Variants in EYS observed in about 807,000 individuals in gnomAD.
The protein encoded by EYS is EGF-like photoreceptor maintenance factor.
A neutral mutation model predicts 282.1 loss-of-function variants in EYS; 250 were observed. That is an observed-to-expected ratio of 0.89 (90% CI 0.80 to 0.98). The LOEUF (loss-of-function observed/expected upper bound fraction) is 0.98, where lower values mean the gene tolerates loss of function less well. Among genes scored for constraint, EYS ranks in the 50% least tolerant of loss-of-function variants. EYS has a pLI of 0.00. For synonymous variants in EYS, 1,355 were observed against 1,282.9 expected (o/e 1.06, Z -1.20); for missense variants, 4,016 against 3,709.0 (o/e 1.08, Z -2.15).
At chr6:65,673,522 G>T (rs1582588306) in intron 1 of EYS, among the ~76,000 whole-genome samples, 1 of 152,086 alleles carries the variant, frequency 6.6e-6, no homozygotes, top group East Asian at 1.9e-4. Flanking sequence ...TTAGAGAGTG[G>T]CCAAGGGGGT....
At chr6:64,346,385 A>C (rs572179052) in intron 29 of EYS, among the ~76,000 whole-genome samples, 5 of 152,180 alleles carry the variant, frequency 3.3e-5, no homozygotes, top group African/African-American at 9.6e-5. Flanking sequence ...AAAAATGATG[A>C]GTTCATGTCC....
chr6:64,398,803 A>C (rs903472572), intron 28 of EYS, among the ~76,000 whole-genome samples: 20 of 151,894 alleles, frequency 1.3e-4, no homozygotes, highest in African/African-American at 4.3e-4. Context: ...AGCTTTGACA[A>C]TTTTTTGAAA....
rs77159255 is a variant in EYS at position 64,193,218 on chromosome 6, T to C, written c.6424+37374A>G. Among the ~76,000 whole-genome samples the C allele has an allele frequency of 6.4e-3, 974 of 152,304 alleles. 18 individuals are homozygous for C. The highest frequency in any genetic ancestry group is 0.036 in the East Asian group (185 of 5,186). ...AAGCTATAGATAAATTGGGGCAGAA[T>C]TGAAATATTTACAAGACAGTGTTCC... is the stretch of plus-strand genomic sequence containing the variant. On this transcript the variant is annotated intron_variant, in intron 31 of 42. Coordinates refer to ENST00000503581, the MANE Select transcript of EYS (RefSeq NM_001142800.2).
intron 34 of EYS, among the ~76,000 whole-genome samples, chr6:63,998,116 A>G (rs1180422058): frequency 6.6e-6 from 1 of 152,198 alleles, no homozygotes; most frequent in African/African-American, 2.4e-5. Context: ...TGCATTATAA[A>G]GGGACACAAA....
intron 2 of EYS, among the ~76,000 whole-genome samples, chr6:65,538,760 G>A (rs953917514): frequency 3.9e-5 from 6 of 151,996 alleles, no homozygotes; most frequent in Admixed American, 2.0e-4. Context: ...ACTCCTCCTA[G>A]TATTCAAAAT....
chr6:65,495,280 G>A lies in EYS; in HGVS notation c.131C>T (p.Thr44Ile), dbSNP rs1766213822. 2 of 1,614,060 alleles carry A rather than the reference G, an allele frequency of 1.2e-6. No homozygotes were observed. The highest frequency in any genetic ancestry group is 1.7e-5 in the Admixed American group (1 of 60,010). ...GTCCAAGCAGATGTTTTCTGTTAGT[G>A]TCCAATTTACCACATATGATGAGGG... Reference protein sequence around the residue: ...PQPSSYVVNWTLTENICLDFY... With the variant: ...PQPSSYVVNWILTENICLDFY... Residue 44 changes from threonine to isoleucine, a missense_variant, in exon 4 of 43, where the codon ACA (threonine) becomes ATA (isoleucine). Physicochemically the swap from Thr to Ile is moderately conservative, Grantham distance 89. Coordinates refer to ENST00000503581, the MANE Select transcript of EYS (RefSeq NM_001142800.2).
intron 22 of EYS, among the ~76,000 whole-genome samples, chr6:64,747,277 C>T (rs947285553): frequency 1.3e-5 from 2 of 152,106 alleles, no homozygotes; most frequent in African/African-American, 4.8e-5. Context: ...TAGTCCAATG[C>T]TTATTTGAAA....
Position 64,198,319 on chromosome 6 carries a change from A to G in EYS, c.6424+32273T>C, listed in dbSNP as rs115760728. On this transcript the variant is annotated intron_variant, in intron 31 of 42. Transcript: ENST00000503581. ...ACTGCACCCGGCCTATAATTTTTTT[A>G]TTATTATACTTTAAGTTCTGGGATA... Among the ~76,000 whole-genome samples, 1,383 of 151,876 alleles carry G rather than the reference A, an allele frequency of 9.1e-3. 18 individuals carry two copies. Among genetic ancestry groups the G allele is most frequent in the African/African-American group, 0.031 (1,292 of 41,430 alleles).
At chr6:63,895,958 A>C (rs1387331918) in intron 35 of EYS, among the ~76,000 whole-genome samples, 1 of 147,252 alleles carries the variant, frequency 6.8e-6, no homozygotes, top group Non-Finnish European at 1.5e-5. Flanking sequence ...TAAGCTTGAC[A>C]GAACTTCAAT....
chr6:64,901,251 G>T (rs1010854954), intron 18 of EYS, among the ~76,000 whole-genome samples: 6 of 145,886 alleles, frequency 4.1e-5, no homozygotes, highest in Non-Finnish European at 8.9e-5. Flanking sequence ...GGGTTGGGGG[G>T]CAAGGGGAGG....
intron 29 of EYS, 137 bp from the exon 30 acceptor site, chr6:64,307,219 A>G (rs1769487424): frequency 1.8e-6 from 1 of 544,378 alleles, no homozygotes; most frequent in Non-Finnish European, 3.2e-6. Context: ...TTTATAGTAC[A>G]GTAATTCAAA....
intron 35 of EYS, among the ~76,000 whole-genome samples, chr6:63,909,957 G>A (rs2149737218): frequency 6.6e-6 from 1 of 152,302 alleles, no homozygotes; most frequent in Non-Finnish European, 1.5e-5. Flanking sequence ...TTTTAAAAAT[G>A]AGGGAGGATG....
chr6:65,219,565 AT>A (rs149748786), intron 12 of EYS, among the ~76,000 whole-genome samples: 3,285 of 152,152 alleles, frequency 0.022, 110 homozygotes, highest in African/African-American at 0.075. Context: ...GATTTACAAT[AT>A]TTTTTTCCTT....
Position 64,193,874 on chromosome 6 carries a change from A to C in EYS, c.6424+36718T>G, listed in dbSNP as rs1463341770. Among the ~76,000 whole-genome samples the C allele has an allele frequency of 2.6e-5, 4 of 152,108 alleles. No individual in the cohort carries two copies. In the East Asian group the frequency reaches 7.7e-4, roughly 29 times the overall value. ...CGTAGTATTCCATGGTGTATATGTGACACATTTTCTGAATCCAGTCTATCA... is the reference window on the plus strand; with the variant it reads ...CGTAGTATTCCATGGTGTATATGTGCCACATTTTCTGAATCCAGTCTATCA... On this transcript the variant is annotated intron_variant, in intron 31 of 42. Coordinates refer to ENST00000503581, the MANE Select transcript of EYS (RefSeq NM_001142800.2).
At chr6:64,295,459 A>AGAAGAAGAAGAG (rs1768914406) in intron 30 of EYS, among the ~76,000 whole-genome samples, 1 of 3,612 alleles carries the variant, frequency 2.8e-4, no homozygotes, top group Non-Finnish European at 5.4e-4. Flanking sequence ...AAGAAGAAGA[A>AGAAGAAGAAGAG]GAAGAAGAAG....
intron 29 of EYS, among the ~76,000 whole-genome samples, chr6:64,331,216 T>C (rs1770634823): frequency 6.6e-6 from 1 of 152,122 alleles, no homozygotes; most frequent in South Asian, 2.1e-4. Context: ...GCCATTTGCA[T>C]GCCCATGGAG....
At chr6:65,187,384 C>T (rs970184495) in intron 12 of EYS, among the ~76,000 whole-genome samples, 6 of 151,548 alleles carry the variant, frequency 4.0e-5, no homozygotes, top group African/African-American at 9.7e-5. Flanking sequence ...TAAAATAGCA[C>T]GCATTTTTTC....
chr6:65,398,718 T>G (rs917205352), intron 7 of EYS, among the ~76,000 whole-genome samples: 1 of 152,122 alleles, frequency 6.6e-6, no homozygotes, highest in African/African-American at 2.4e-5. Context: ...TTTAGCCCGA[T>G]AGCTTCTCTA....
chr6:65,057,514 A>G, intron 13 of EYS, 100 bp downstream of exon 13: 1 of 759,700 alleles, frequency 1.3e-6, no homozygotes, highest in Non-Finnish European at 2.3e-6. Context: ...ATGAAGGACT[A>G]ATAATGTTGT....
Sources: allele counts gnomAD v4.1 joint callset (sites outside exome capture counted in the v4.1 genomes callset), GRCh38; gene constraint gnomAD v4.1.1; transcripts MANE v1.5; gene names NCBI Gene and HGNC (gene_info 2026-07-23, HGNC 2026-07-21).